The following KIAA0319L variants were observed in gnomAD, a reference collection of about 807,000 sequenced individuals.
The protein encoded by KIAA0319L is KIAA0319 like.
In KIAA0319L, 55 loss-of-function variants were observed where a neutral mutation model predicts 120.1. The observed-to-expected ratio is 0.46, with a 90% CI of 0.37 to 0.57. The LOEUF is 0.57. Among genes scored for constraint, KIAA0319L ranks in the 20% least tolerant of loss-of-function variants. The pLI, the probability that KIAA0319L is intolerant of heterozygous loss-of-function variation, is 0.00. For missense variants in KIAA0319L, 1,049 were observed against 1,255.3 expected (o/e 0.84, Z 2.48); for synonymous variants, 398 against 471.9 (o/e 0.84, Z 2.03).
intron 2 of KIAA0319L, among the ~76,000 whole-genome samples, chr1:35,521,570 C>T (rs938117871): frequency 2.6e-5 from 4 of 151,084 alleles, no homozygotes; most frequent in African/African-American, 9.7e-5. Flanking sequence ...GGAGGCGGAG[C>T]TTGCAATGAG....
chr1:35,521,699 G>A (rs1216421141), intron 2 of KIAA0319L, among the ~76,000 whole-genome samples: 2 of 151,322 alleles, frequency 1.3e-5, no homozygotes, highest in East Asian at 1.9e-4. Flanking sequence ...TAGGCCGAGA[G>A]CGGTGGCTCA....
chr1:35,496,754 GCC>G (rs1389578558), intron 3 of KIAA0319L, among the ~76,000 whole-genome samples: 4 of 152,008 alleles, frequency 2.6e-5, no homozygotes, highest in Admixed American at 2.6e-4. Context: ...GACCAGCCTG[GCC>G]AACATGGTGA....
chr1:35,455,050 T>C (rs1642342814), intron 10 of KIAA0319L, among the ~76,000 whole-genome samples: 2 of 152,150 alleles, frequency 1.3e-5, no homozygotes, highest in Admixed American at 6.5e-5. Context: ...AACTGAGAAA[T>C]ATAGAATCTT....
intron 9 of KIAA0319L, among the ~76,000 whole-genome samples, chr1:35,457,975 G>C (rs1642607624): frequency 6.6e-6 from 1 of 151,990 alleles, no homozygotes; most frequent in African/African-American, 2.4e-5. Context: ...TCGCTCTGTC[G>C]CCCAGGCTGG....
At chr1:35,523,243 T>C (rs1645997421) in intron 2 of KIAA0319L, among the ~76,000 whole-genome samples, 1 of 152,050 alleles carries the variant, frequency 6.6e-6, no homozygotes, top group Non-Finnish European at 1.5e-5. Context: ...TCACATGAGG[T>C]TTCAGCTCAA....
rs1645071774 is a variant in KIAA0319L at position 35,503,165 on chromosome 1, A to G, written c.666+3447T>C. ...ATCTACCTCTACCTCTGTTTCTACTATCCATAAATGATCTATCACACTTAA... is the reference window on the plus strand; with the variant it reads ...ATCTACCTCTACCTCTGTTTCTACTGTCCATAAATGATCTATCACACTTAA... On this transcript the variant is annotated intron_variant, in intron 3 of 20. Transcript: ENST00000325722. Among the ~76,000 whole-genome samples the G allele has an allele frequency of 2.6e-5, 4 of 152,130 alleles. No individual in the cohort carries two copies. The South Asian group carries it at 8.3e-4, about 32-fold the overall frequency.
chr1:35,524,484 G>C (rs975111660), intron 2 of KIAA0319L, among the ~76,000 whole-genome samples: 5 of 152,176 alleles, frequency 3.3e-5, no homozygotes, highest in Admixed American at 6.5e-5. Flanking sequence ...AAGTGAACAT[G>C]TTCAATGAGG....
chr1:35,477,268 G>A (rs1014819325), intron 4 of KIAA0319L, among the ~76,000 whole-genome samples: 4 of 152,102 alleles, frequency 2.6e-5, no homozygotes, highest in Non-Finnish European at 5.9e-5. Flanking sequence ...TTAAAAATGG[G>A]CAAAATATTT....
intron 7 of KIAA0319L, among the ~76,000 whole-genome samples, chr1:35,466,057 C>T (rs1643242929): frequency 6.6e-6 from 1 of 152,126 alleles, no homozygotes; most frequent in Admixed American, 6.5e-5. Flanking sequence ...ATACAACTGC[C>T]CATCTTCTCT....
At chr1:35,521,996 T>G (rs1645940454) in intron 2 of KIAA0319L, among the ~76,000 whole-genome samples, 1 of 150,978 alleles carries the variant, frequency 6.6e-6, no homozygotes, top group African/African-American at 2.4e-5. Context: ...AAAAAATAAA[T>G]AAAGAAGGAA....
Position 35,500,999 on chromosome 1 carries a change from C to T in KIAA0319L, c.666+5613G>A, listed in dbSNP as rs1004962203. Among the ~76,000 whole-genome samples, 3 of 151,796 alleles carry T rather than the reference C, an allele frequency of 2.0e-5. No individual in the cohort carries two copies. The East Asian group carries it at 5.8e-4, about 29-fold the overall frequency. On this transcript the variant is annotated intron_variant, in intron 3 of 20. Transcript: ENST00000325722. Reference sequence around the variant, plus strand: ...ATATGTAATGCCAAGCTTTGTAATGCCTCCGTGCAACACTGCATGCAGCAA... The same window carrying T: ...ATATGTAATGCCAAGCTTTGTAATGTCTCCGTGCAACACTGCATGCAGCAA...
Position 35,451,685 on chromosome 1 carries a change from C to T in KIAA0319L, c.2005G>A (p.Val669Ile). 1 of 1,614,136 alleles carries T rather than the reference C, an allele frequency of 6.2e-7. No homozygotes were observed. Among genetic ancestry groups the T allele is most frequent in the Non-Finnish European group, 8.5e-7 (1 of 1,180,014 alleles). ...CTTTGCAGGTTCCTCTCATCTTTGA[C>T]AGTCAAGGTGAACACATAGGTCCCC... The part of the protein sequence containing the change: ...QVGTYVFTLT[V>I]KDERNLQSQS... The change falls in exon 13 of 21, where the codon GTC becomes ATC. Residue 669 changes from valine (V) to isoleucine (I), a missense_variant. Coordinates refer to ENST00000325722, the MANE Select transcript of KIAA0319L (RefSeq NM_024874.5).
At chr1:35,542,713 T>C (rs1646838567) in intron 2 of KIAA0319L, among the ~76,000 whole-genome samples, 1 of 152,256 alleles carries the variant, frequency 6.6e-6, no homozygotes, top group Non-Finnish European at 1.5e-5. Context: ...TTCTTGACTA[T>C]GTTCCTGCCA....
intron 2 of KIAA0319L, among the ~76,000 whole-genome samples, chr1:35,540,047 A>G (rs1057182800): frequency 2.6e-5 from 4 of 152,242 alleles, no homozygotes; most frequent in African/African-American, 9.6e-5. Flanking sequence ...CATAATGTTA[A>G]GCCAGTTGGA....
intron 2 of KIAA0319L, among the ~76,000 whole-genome samples, chr1:35,551,337 A>T (rs1216189736): frequency 6.6e-6 from 1 of 151,964 alleles, no homozygotes; most frequent in South Asian, 2.1e-4. Flanking sequence ...TTTTCCTTTC[A>T]GATGGAGTCT....
intron 3 of KIAA0319L, among the ~76,000 whole-genome samples, chr1:35,482,943 C>T (rs1448678112): frequency 2.6e-5 from 4 of 152,072 alleles, no homozygotes; most frequent in Non-Finnish European, 5.9e-5. Flanking sequence ...TTTAGCCATT[C>T]GAGGTATGTA....
chr1:35,484,199 T>C (rs1482212319), intron 3 of KIAA0319L, among the ~76,000 whole-genome samples: 1 of 152,228 alleles, frequency 6.6e-6, no homozygotes, highest in Non-Finnish European at 1.5e-5. Flanking sequence ...CAGCAGAGTT[T>C]TGTAGTTTTC....
chr1:35,443,168 G>T, intron 17 of KIAA0319L, 140 bp from the exon 18 acceptor site: 1 of 952,140 alleles, frequency 1.1e-6, no homozygotes, highest in Non-Finnish European at 1.6e-6. Context: ...CTTGGGCATG[G>T]TGCCTGCCTT....
At chr1:35,460,011 C>T (rs546867184) in intron 9 of KIAA0319L, among the ~76,000 whole-genome samples, 1 of 152,302 alleles carries the variant, frequency 6.6e-6, no homozygotes, top group Admixed American at 6.5e-5. Flanking sequence ...TGGGCCTTTT[C>T]ATTTAACAAC....
Sources: allele counts gnomAD v4.1 joint callset (sites outside exome capture counted in the v4.1 genomes callset), GRCh38; gene constraint gnomAD v4.1.1; transcripts MANE v1.5; gene names NCBI Gene and HGNC (gene_info 2026-07-23, HGNC 2026-07-21).